The following SUGCT variants were observed in gnomAD, a reference collection of about 807,000 sequenced individuals.
The protein encoded by SUGCT is succinyl-CoA:glutarate-CoA transferase.
In SUGCT, 41 loss-of-function variants were observed where a neutral mutation model predicts 55.0. The ratio of observed to expected loss-of-function variants is 0.74; its 90% CI spans 0.58 to 0.97. SUGCT has a LOEUF of 0.97. Among genes scored for constraint, SUGCT ranks in the 50% least tolerant of loss-of-function variants. The pLI is 0.00. For synonymous variants in SUGCT, 187 were observed against 200.4 expected (o/e 0.93, Z 0.56); for missense variants, 568 against 547.8 (o/e 1.04, Z -0.37).
intron 13 of SUGCT, among the ~76,000 whole-genome samples, chr7:40,794,095 T>A (rs1326209534): frequency 6.6e-6 from 1 of 152,184 alleles, no homozygotes; most frequent in Admixed American, 6.6e-5. Context: ...AGCTGAACTA[T>A]TTAAGGATCT....
intron 9 of SUGCT, among the ~76,000 whole-genome samples, chr7:40,431,049 C>T (rs981984805): frequency 1.4e-4 from 21 of 145,696 alleles, no homozygotes; most frequent in Admixed American, 1.4e-4. Flanking sequence ...ACCCAGGAGA[C>T]GGAGGTTACA....
intron 12 of SUGCT, among the ~76,000 whole-genome samples, chr7:40,543,273 T>G (rs2151623898): frequency 1.3e-5 from 2 of 152,360 alleles, no homozygotes; most frequent in South Asian, 2.1e-4. Context: ...AACATTTAAA[T>G]TAATATTCTT....
intron 12 of SUGCT, among the ~76,000 whole-genome samples, chr7:40,624,322 T>C (rs1219955307): frequency 6.6e-6 from 1 of 152,178 alleles, no homozygotes; most frequent in Non-Finnish European, 1.5e-5. Flanking sequence ...ATCTATATGT[T>C]ATTATTTCTG....
chr7:40,710,982 A>G (rs1785681403), intron 12 of SUGCT, among the ~76,000 whole-genome samples: 1 of 152,216 alleles, frequency 6.6e-6, no homozygotes, highest in Admixed American at 6.5e-5. Flanking sequence ...TTGGGAGTAC[A>G]GTGTCGTTGC....
At chr7:40,653,996 TA>T (rs75171760) in intron 12 of SUGCT, among the ~76,000 whole-genome samples, 178 of 142,638 alleles carry the variant, frequency 1.2e-3, no homozygotes, top group East Asian at 8.0e-3. Context: ...CAACAACAAT[TA>T]AAAAAAAAAA....
At chr7:40,913,812 C>T in the SUGCT span, among the ~76,000 whole-genome samples, 1 of 152,142 alleles carries the variant, frequency 6.6e-6, no homozygotes, top group Non-Finnish European at 1.5e-5. Context: ...ATGGTGATTA[C>T]CAAAGCACAA....
intron 8 of SUGCT, among the ~76,000 whole-genome samples, chr7:40,287,424 G>A (rs927901798): frequency 3.3e-5 from 5 of 151,814 alleles, no homozygotes; most frequent in Non-Finnish European, 7.4e-5. Flanking sequence ...TCCTTTTCTT[G>A]TTCCTGATCT....
chr7:40,430,056 ATTTC>A (rs1562771112), intron 9 of SUGCT, among the ~76,000 whole-genome samples: 1 of 152,090 alleles, frequency 6.6e-6, no homozygotes, highest in Non-Finnish European at 1.5e-5. Context: ...AGGTACTACC[ATTTC>A]TTTATTTATC....
chr7:40,756,095 A>T (rs963826190), intron 13 of SUGCT, among the ~76,000 whole-genome samples: 1 of 152,142 alleles, frequency 6.6e-6, no homozygotes, highest in Admixed American at 6.6e-5. Context: ...CTATTTTATT[A>T]TCGGACACAT....
At chr7:40,650,133 T>C (rs1800705140) in intron 12 of SUGCT, among the ~76,000 whole-genome samples, 1 of 152,132 alleles carries the variant, frequency 6.6e-6, no homozygotes, top group South Asian at 2.1e-4. Flanking sequence ...GGCTCTTGGA[T>C]GGAGGCCTCT....
chr7:40,532,673 G>A (rs934185060), intron 12 of SUGCT, among the ~76,000 whole-genome samples: 1 of 151,678 alleles, frequency 6.6e-6, no homozygotes, highest in Non-Finnish European at 1.5e-5. Context: ...GACATTTTAG[G>A]TTAACATTAG....
chr7:40,148,373 G>A (rs1035017470), intron 1 of SUGCT, among the ~76,000 whole-genome samples: 14 of 152,138 alleles, frequency 9.2e-5, no homozygotes, highest in African/African-American at 2.9e-4. Flanking sequence ...GGCCGGGCGC[G>A]GTGGCTCATG....
the SUGCT span, among the ~76,000 whole-genome samples, chr7:40,942,851 T>C: frequency 1.3e-5 from 2 of 152,138 alleles, no homozygotes; most frequent in Non-Finnish European, 2.9e-5. Context: ...TAGTCTATTG[T>C]TAAAACTTTC....
chr7:40,834,412 A>G (rs1240355144), intron 13 of SUGCT, among the ~76,000 whole-genome samples: 1 of 152,230 alleles, frequency 6.6e-6, no homozygotes, highest in African/African-American at 2.4e-5. Flanking sequence ...AGTATTCAAA[A>G]GTAGACTGGT....
chr7:40,946,976 C>A, the SUGCT span, among the ~76,000 whole-genome samples: 1 of 152,056 alleles, frequency 6.6e-6, no homozygotes, highest in African/African-American at 2.4e-5. Flanking sequence ...ATTAGTTGAA[C>A]TTTTTGGATG....
At chr7:40,959,225 C>T in the SUGCT span, among the ~76,000 whole-genome samples, 1 of 152,216 alleles carries the variant, frequency 6.6e-6, no homozygotes, top group Non-Finnish European at 1.5e-5. Flanking sequence ...ATCTTCAGAG[C>T]CAGCATGCCA....
chr7:40,144,698 T>A (rs1788156209), intron 1 of SUGCT, among the ~76,000 whole-genome samples: 1 of 152,236 alleles, frequency 6.6e-6, no homozygotes, highest in Non-Finnish European at 1.5e-5. Context: ...GAAATTGATC[T>A]TTTGTTTTAA....
the SUGCT span, among the ~76,000 whole-genome samples, chr7:41,009,678 G>T: frequency 2.8e-5 from 4 of 141,284 alleles, no homozygotes; most frequent in African/African-American, 5.3e-5. Flanking sequence ...CCATCCATCC[G>T]TCCTTCCATC....
At chr7:40,529,499 C>T (rs1052809169) in intron 12 of SUGCT, among the ~76,000 whole-genome samples, 1 of 152,292 alleles carries the variant, frequency 6.6e-6, no homozygotes. Flanking sequence ...CGTTAATAAA[C>T]CAGGGCAGAC....
Sources: gnomAD v4.1 joint callset for allele counts (sites outside exome capture counted in the v4.1 genomes callset) on GRCh38, gnomAD v4.1.1 for gene constraint, MANE v1.5 for transcripts, NCBI Gene and HGNC (gene_info 2026-07-23, HGNC 2026-07-21) for gene names.